The following DAB1 variants were observed in gnomAD, a reference collection of about 807,000 sequenced individuals.
DAB1 encodes DAB adaptor protein 1.
DAB1 carries 15 observed loss-of-function variants against 64.6 expected under a neutral mutation model. That is an observed-to-expected ratio of 0.23 (90% CI 0.16 to 0.36). DAB1 has a LOEUF of 0.36. DAB1 is among the 10% of genes least tolerant of loss of function. The probability of loss-of-function intolerance (pLI) is 1.00; values close to 1 mark genes in which losing one functional copy is unlikely to be tolerated. For synonymous variants in DAB1, 235 were observed against 251.9 expected (o/e 0.93, Z 0.64); for missense variants, 596 against 706.7 (o/e 0.84, Z 1.78).
At chr1:58,198,833 T>C in intron 4 of DAB1, among the ~76,000 whole-genome samples, 1 of 152,244 alleles carries the variant, frequency 6.6e-6, no homozygotes, top group Admixed American at 6.5e-5. Context: ...TGGATGGCCA[T>C]GCGCAGTGGC....
chr1:57,102,965 C>G, intron 4 of DAB1, among the ~76,000 whole-genome samples: 1 of 152,012 alleles, frequency 6.6e-6, no homozygotes, highest in Non-Finnish European at 1.5e-5. Flanking sequence ...GCTTTCTCCC[C>G]AAAATGGCAG....
chr1:57,544,931 ACCC>A (rs1644840451), intron 7 of DAB1, among the ~76,000 whole-genome samples: 1 of 152,160 alleles, frequency 6.6e-6, no homozygotes, highest in African/African-American at 2.4e-5. Context: ...TTTATAAATT[ACCC>A]AGCCTTGGAC....
chr1:57,482,489 A>C (rs970051315), intron 7 of DAB1, among the ~76,000 whole-genome samples: 2 of 150,630 alleles, frequency 1.3e-5, no homozygotes, highest in East Asian at 3.9e-4. Context: ...AAAAAAAAAA[A>C]AAAAAAAAAA....
intron 5 of DAB1, among the ~76,000 whole-genome samples, chr1:58,018,207 T>C (rs1646769178): frequency 6.6e-6 from 1 of 152,146 alleles, no homozygotes; most frequent in Non-Finnish European, 1.5e-5. Context: ...GTCTGTACCC[T>C]GCCCTTACTT....
chr1:57,849,824 G>A (rs550502163), intron 1 of DAB1, among the ~76,000 whole-genome samples: 1 of 152,298 alleles, frequency 6.6e-6, no homozygotes, highest in African/African-American at 2.4e-5. Context: ...TTTGTATAGA[G>A]ATGTGTATGT....
intron 6 of DAB1, among the ~76,000 whole-genome samples, chr1:57,730,437 G>T (rs959952016): frequency 6.6e-6 from 1 of 152,198 alleles, no homozygotes; most frequent in Admixed American, 6.5e-5. Context: ...ATCAGAAGAT[G>T]TGTTCAACTA....
intron 3 of DAB1, among the ~76,000 whole-genome samples, chr1:58,498,007 A>G (rs537780494): frequency 6.6e-6 from 1 of 152,276 alleles, no homozygotes; most frequent in South Asian, 2.1e-4. Flanking sequence ...TCAACTAAGA[A>G]CTATGAAGCA....
intron 5 of DAB1, among the ~76,000 whole-genome samples, chr1:58,123,117 C>A (rs1011070953): frequency 2.6e-5 from 4 of 152,254 alleles, no homozygotes; most frequent in Admixed American, 1.3e-4. Context: ...CAATTCACCC[C>A]TTCCTAGAGC....
intron 4 of DAB1, among the ~76,000 whole-genome samples, chr1:58,247,579 C>T (rs1459720918): frequency 6.6e-6 from 1 of 152,168 alleles, no homozygotes; most frequent in Non-Finnish European, 1.5e-5. Flanking sequence ...AAATAATTGT[C>T]TTATCATGTC....
At chr1:57,448,495 T>A (rs1389260169) in intron 7 of DAB1, among the ~76,000 whole-genome samples, 3 of 152,212 alleles carry the variant, frequency 2.0e-5, no homozygotes, top group Non-Finnish European at 4.4e-5. Context: ...TAATTCCCTC[T>A]GTAACTAACA....
intron 1 of DAB1, among the ~76,000 whole-genome samples, chr1:57,338,143 C>G (rs1023216475): frequency 6.6e-6 from 1 of 152,054 alleles, no homozygotes. Context: ...CACCACCACA[C>G]CTGGCTAATT....
chr1:57,311,103 C>T lies in DAB1; in HGVS notation c.-136-19937G>A, dbSNP rs1674663940. 2.0e-5 allele frequency among the ~76,000 whole-genome samples: 3 copies of T among 152,176 alleles called. No individual in the cohort carries two copies. In the South Asian group the frequency reaches 6.2e-4, roughly 32 times the overall value. ...GTCTTTGTGACCCCAAAGCCCACTG[C>T]TCCAATTTGTTCATTTGATGGCCCC... On this transcript the variant is annotated intron_variant, in intron 1 of 14. Coordinates refer to ENST00000371236, the MANE Select transcript of DAB1 (RefSeq NM_001365792.1).
chr1:57,063,172 GTC>G (rs1557654290), intron 8 of DAB1, among the ~76,000 whole-genome samples: 1 of 151,984 alleles, frequency 6.6e-6, no homozygotes. Flanking sequence ...TTTATAGGTC[GTC>G]TCTGCCATTG....
intron 5 of DAB1, chr1:58,047,908 CA>C (rs368138225): frequency 1.0e-3 from 380 of 367,014 alleles, no homozygotes; most frequent in South Asian, 1.3e-3. Flanking sequence ...AGCATGGGTG[CA>C]AAAAAAAATC....
At chr1:57,240,544 C>G (rs773495609) in intron 2 of DAB1, among the ~76,000 whole-genome samples, 8 of 152,162 alleles carry the variant, frequency 5.3e-5, no homozygotes, top group Non-Finnish European at 1.2e-4. Context: ...AACCAAGGCT[C>G]AGAAAATATT....
chr1:57,931,942 T>C (rs1644958932), intron 5 of DAB1, among the ~76,000 whole-genome samples: 1 of 152,270 alleles, frequency 6.6e-6, no homozygotes, highest in South Asian at 2.1e-4. Flanking sequence ...GAAGCTTTTA[T>C]TAATTTTAGA....
chr1:57,320,128 T>G (rs969394327), intron 1 of DAB1, among the ~76,000 whole-genome samples: 2 of 152,176 alleles, frequency 1.3e-5, no homozygotes, highest in African/African-American at 4.8e-5. Context: ...CCAAATCTCA[T>G]CTCGAATTGT....
chr1:57,603,527 G>A (rs1645600505), intron 7 of DAB1, among the ~76,000 whole-genome samples: 1 of 152,108 alleles, frequency 6.6e-6, no homozygotes, highest in Non-Finnish European at 1.5e-5. Context: ...AATTGAGCGG[G>A]GACCACATCA....
chr1:57,198,446 A>G (rs512773), intron 2 of DAB1, among the ~76,000 whole-genome samples: 37,272 of 152,084 alleles, frequency 0.25, 5,215 homozygotes, highest in Middle Eastern at 0.32. Context: ...CCCCTGCCCC[A>G]AGCCCCAGGG....
Sources: allele counts gnomAD v4.1 joint callset (sites outside exome capture counted in the v4.1 genomes callset), GRCh38; gene constraint gnomAD v4.1.1; transcripts MANE v1.5; gene names NCBI Gene and HGNC (gene_info 2026-07-23, HGNC 2026-07-21).